Variants in RBFOX1 observed in about 807,000 individuals in gnomAD.
RBFOX1 encodes RNA binding protein fox-1 homolog 1.
RBFOX1 carries 8 observed loss-of-function variants against 57.7 expected under a neutral mutation model. The ratio of observed to expected loss-of-function variants is 0.14; its 90% CI spans 0.08 to 0.25. The LOEUF (loss-of-function observed/expected upper bound fraction) is 0.25, where lower values mean the gene tolerates loss of function less well. RBFOX1 is among the 10% of genes least tolerant of loss of function. RBFOX1 has a pLI of 1.00. For synonymous variants in RBFOX1, 326 were observed against 222.4 expected (o/e 1.47, Z -4.15); for missense variants, 611 against 548.5 (o/e 1.11, Z -1.14).
At chr16:6,854,367 G>C (rs1372072682) in intron 3 of RBFOX1, among the ~76,000 whole-genome samples, 4 of 151,916 alleles carry the variant, frequency 2.6e-5, no homozygotes, top group Admixed American at 2.6e-4. Flanking sequence ...GGGCTTAAGG[G>C]GTTAATTATT....
intron 4 of RBFOX1, among the ~76,000 whole-genome samples, chr16:7,446,457 G>A (rs1175664167): frequency 1.3e-5 from 2 of 152,190 alleles, no homozygotes; most frequent in African/African-American, 4.8e-5. Flanking sequence ...CTGTTGTGGG[G>A]TGAGTGCTCA....
In RBFOX1 at chr16:6,316,892, C is replaced by G. The variant is rs1333424419; in HGVS notation, c.-126-103C>G. Reference sequence around the variant, plus strand: ...TGTTAAATTCACAATATAGTCAGAACCTATTTTGAAGGTTGGTCCATATTA... The same window carrying G: ...TGTTAAATTCACAATATAGTCAGAAGCTATTTTGAAGGTTGGTCCATATTA... On this transcript the variant is annotated intron_variant, in intron 1 of 15. Coordinates refer to ENST00000550418, the MANE Select transcript of RBFOX1 (RefSeq NM_018723.4). The G allele has an allele frequency of 1.0e-5, 8 of 795,294 alleles. No homozygotes were observed. In the East Asian group the frequency reaches 2.2e-4, roughly 22 times the overall value. The allele number at this position is 795,294 out of a possible 1,614,324, so 49.3% of individuals were successfully genotyped here.
intron 2 of RBFOX1, among the ~76,000 whole-genome samples, chr16:6,576,297 C>T (rs557059992): frequency 2.2e-4 from 34 of 152,244 alleles, no homozygotes; most frequent in East Asian, 1.9e-4. Flanking sequence ...CATGCTGAGA[C>T]GACGTAGACA....
intron 3 of RBFOX1, among the ~76,000 whole-genome samples, chr16:5,845,071 T>C (rs200173322): frequency 7.1e-6 from 1 of 140,864 alleles, no homozygotes; most frequent in Non-Finnish European, 1.5e-5. Flanking sequence ...CTTTTTTTTT[T>C]TTTTTTTTCT....
At chr16:7,301,696 T>C (rs552685807) in intron 4 of RBFOX1, among the ~76,000 whole-genome samples, 1 of 152,108 alleles carries the variant, frequency 6.6e-6, no homozygotes, top group Non-Finnish European at 1.5e-5. Flanking sequence ...AAGGAAAAAA[T>C]TCTCTCCTCT....
At chr16:5,668,271 A>G (rs368398708) in intron 3 of RBFOX1, among the ~76,000 whole-genome samples, 3 of 152,274 alleles carry the variant, frequency 2.0e-5, no homozygotes, top group East Asian at 3.9e-4. Flanking sequence ...ACAGAGCGAG[A>G]CTCCATCTCA....
At chr16:6,858,658 C>G (rs927338909) in intron 3 of RBFOX1, among the ~76,000 whole-genome samples, 2 of 152,094 alleles carry the variant, frequency 1.3e-5, no homozygotes, top group Non-Finnish European at 2.9e-5. Context: ...TCACTAATCT[C>G]TACTAAAAAA....
At chr16:7,647,414 C>G (rs1028043582) in intron 11 of RBFOX1, among the ~76,000 whole-genome samples, 4 of 152,184 alleles carry the variant, frequency 2.6e-5, no homozygotes, top group African/African-American at 7.2e-5. Flanking sequence ...GTATAATGAA[C>G]CTATGGGTTT....
At chr16:6,718,146 G>A (rs1176934203) in intron 3 of RBFOX1, among the ~76,000 whole-genome samples, 1 of 152,170 alleles carries the variant, frequency 6.6e-6, no homozygotes, top group African/African-American at 2.4e-5. Flanking sequence ...TGAGTTCCTT[G>A]CAAAGATGTC....
In RBFOX1 at chr16:5,908,234, AT is replaced by A. The variant is rs2058520550; in HGVS notation, c.351+40900del. Among the ~76,000 whole-genome samples, 2 of 132,488 alleles carry A rather than the reference AT, an allele frequency of 1.5e-5. 1 individual carries two copies. The highest frequency in any genetic ancestry group is 7.8e-5 in the African/African-American group (2 of 25,584). The allele number at this position is 132,488 out of a possible 152,430, so 86.9% of individuals were successfully genotyped here. A position where few individuals can be genotyped will look rare whatever the true frequency, so the allele number is the denominator to read the frequency against. ...TATATATACATATATACACACATATATATACATATACATACACACACATATA... is the reference window on the plus strand; with the variant it reads ...TATATATACATATATACACACATATAATACATATACATACACACACATATA... On this transcript the variant is annotated intron_variant, in intron 4 of 19. Transcript: ENST00000641259.
intron 3 of RBFOX1, among the ~76,000 whole-genome samples, chr16:5,779,538 T>C (rs2054260117): frequency 6.6e-6 from 1 of 152,218 alleles, no homozygotes; most frequent in Non-Finnish European, 1.5e-5. Context: ...GAATCAAACG[T>C]CCATGTATCC....
chr16:6,560,465 A>G lies in RBFOX1; in HGVS notation c.-63-94138A>G, dbSNP rs113736926. On this transcript the variant is annotated intron_variant, in intron 2 of 15. Transcript: ENST00000550418. ...TTTGGAAGAGCATTCCAGGCAGTGAAAACAGTCAAAGCAAAAGATCTAAGG... is the reference window on the plus strand; with the variant it reads ...TTTGGAAGAGCATTCCAGGCAGTGAGAACAGTCAAAGCAAAAGATCTAAGG... Among the ~76,000 whole-genome samples, 168 of 152,276 alleles carry G rather than the reference A, an allele frequency of 1.1e-3. 1 individual carries two copies. Among genetic ancestry groups the G allele is most frequent in the Middle Eastern group, 6.8e-3 (2 of 294 alleles).
At chr16:7,345,496 C>G (rs1231864007) in intron 4 of RBFOX1, among the ~76,000 whole-genome samples, 3 of 152,204 alleles carry the variant, frequency 2.0e-5, no homozygotes, top group Non-Finnish European at 2.9e-5. Context: ...TTTTGGCAGA[C>G]AGTTCCCACT....
intron 4 of RBFOX1, among the ~76,000 whole-genome samples, chr16:7,500,104 A>G (rs536938753): frequency 6.6e-6 from 1 of 152,234 alleles, no homozygotes; most frequent in African/African-American, 2.4e-5. Flanking sequence ...ACGTCCTTAA[A>G]AGATCACACA....
Position 7,329,126 on chromosome 16 carries a change from T to G in RBFOX1, c.28-189021T>G, listed in dbSNP as rs1568233740. Among the ~76,000 whole-genome samples the G allele has an allele frequency of 2.0e-5, 3 of 152,216 alleles. No homozygotes were observed. The South Asian group carries it at 6.2e-4, about 31-fold the overall frequency. On this transcript the variant is annotated intron_variant, in intron 4 of 15. Transcript: ENST00000550418. Reference sequence around the variant, plus strand: ...AATTTTGAGCAGTTGCAGCAGAGATTGTAAGTTCTGCAACACCTAAAATAT... The same window carrying G: ...AATTTTGAGCAGTTGCAGCAGAGATGGTAAGTTCTGCAACACCTAAAATAT...
At chr16:6,964,339 A>C (rs2083640208) in intron 3 of RBFOX1, among the ~76,000 whole-genome samples, 1 of 152,202 alleles carries the variant, frequency 6.6e-6, no homozygotes, top group Non-Finnish European at 1.5e-5. Context: ...TTTTTAGGGC[A>C]GTGAAAATAC....
At chr16:5,306,937 G>A (rs2063953239) in intron 1 of RBFOX1, among the ~76,000 whole-genome samples, 1 of 152,166 alleles carries the variant, frequency 6.6e-6, no homozygotes, top group African/African-American at 2.4e-5. Flanking sequence ...GCAGCCAGTG[G>A]GGGTGAGGCT....
intron 12 of RBFOX1, among the ~76,000 whole-genome samples, chr16:7,654,382 A>G (rs1421725761): frequency 6.6e-6 from 1 of 152,182 alleles, no homozygotes; most frequent in Non-Finnish European, 1.5e-5. Flanking sequence ...CCCCAGGGAT[A>G]TCTTGGCTTC....
intron 2 of RBFOX1, among the ~76,000 whole-genome samples, chr16:6,346,232 C>G (rs1356704064): frequency 6.6e-6 from 1 of 152,004 alleles, no homozygotes; most frequent in African/African-American, 2.4e-5. Flanking sequence ...ATAATGAGCC[C>G]AAAACAAGCA....
Sources: gnomAD v4.1 joint callset for allele counts (sites outside exome capture counted in the v4.1 genomes callset) on GRCh38, gnomAD v4.1.1 for gene constraint, MANE v1.5 for transcripts, NCBI Gene and HGNC (gene_info 2026-07-23, HGNC 2026-07-21) for gene names.